TUBGCP5: variants seen among roughly 807,000 people sequenced by gnomAD.
TUBGCP5 encodes the protein tubulin gamma complex component 5.
Under a neutral mutation model 134.7 loss-of-function variants are expected in TUBGCP5, and 98 were observed. The ratio of observed to expected loss-of-function variants is 0.73; its 90% confidence interval spans 0.62 to 0.86. The LOEUF is 0.86. Among genes scored for constraint, TUBGCP5 ranks in the 40% least tolerant of loss-of-function variants. TUBGCP5 has a pLI of 0.00. For synonymous variants in TUBGCP5, 456 were observed against 431.4 expected (o/e 1.06, Z -0.71); for missense variants, 1,150 against 1,244.8 (o/e 0.92, Z 1.15).
At chr15:22,988,608 T>C (rs139200333) in intron 23 of TUBGCP5, among the ~76,000 whole-genome samples, 6,813 of 150,896 alleles carry the variant, frequency 0.045, 393 homozygotes, top group South Asian at 0.13. Flanking sequence ...TGGTGGTGGG[T>C]GCCTGTAGTC....
rs2064233852 is a variant in TUBGCP5, at chr15:22,999,219, A to G, written c.*601T>C. The G allele has an allele frequency of 6.6e-6, 1 of 152,220 alleles. No homozygotes were observed. The highest frequency in any genetic ancestry group is 2.4e-5 in the African/African-American group (1 of 41,436). 9.4% of individuals were successfully genotyped at this position (152,220 alleles called of 1,614,324 possible). A position where few individuals can be genotyped will look rare whatever the true frequency, so the allele number is the denominator to read the frequency against. On this transcript the variant is annotated 3_prime_UTR_variant, in exon 23 of 23. Transcript: ENST00000615383. ...ATTTATTTTGAATATCAGTAATTAC[A>G]TTTTCAAAATATGATATAATTTAAA... is the stretch of plus-strand genomic sequence containing the variant.
In TUBGCP5 at chr15:23,027,269, C is replaced by T; in HGVS notation, c.660G>A (p.Val220=). 1 of 1,613,850 alleles carries T rather than the reference C, an allele frequency of 6.2e-7. No individual in the cohort carries two copies. ...GCCTGGCTGTCCAGTACTGATGGAC[C>T]ACATGATGTTCCAGCCAGCTTCGGT... ...PDDRSWLEHH[V]VHQYWTARPS... The change falls in exon 7 of 23, where the codon GTG becomes GTA. Residue 220 remains valine (V), a synonymous_variant. Transcript: ENST00000615383.
chr15:22,985,343 C>T (rs149998590), intron 23 of TUBGCP5, among the ~76,000 whole-genome samples: 1 of 151,796 alleles, frequency 6.6e-6, no homozygotes, highest in Non-Finnish European at 1.5e-5. Context: ...CTCAGCCTTC[C>T]GAGTAGCTGG....
At chr15:22,997,524 G>A (rs1023254340), downstream of TUBGCP5, among the ~76,000 whole-genome samples, 1 of 151,946 alleles carries the variant, frequency 6.6e-6, no homozygotes, top group Non-Finnish European at 1.5e-5. Flanking sequence ...CCCCAAGTTT[G>A]TAGTGTTAAT....
chr15:23,035,498 T>C (rs983022064), intron 3 of TUBGCP5, among the ~76,000 whole-genome samples: 2 of 151,948 alleles, frequency 1.3e-5, no homozygotes, highest in African/African-American at 4.8e-5. Context: ...AGGCATTAGA[T>C]TGTCATAAGG....
intron 23 of TUBGCP5, among the ~76,000 whole-genome samples, chr15:22,987,753 G>A (rs916035332): frequency 6.6e-5 from 10 of 151,656 alleles, no homozygotes; most frequent in Admixed American, 3.3e-4. Flanking sequence ...AAAATTAGCC[G>A]GGCGTGGTGG....
intron 7 of TUBGCP5, among the ~76,000 whole-genome samples, chr15:23,026,740 C>A (rs1040756485): frequency 2.0e-5 from 3 of 152,048 alleles, no homozygotes; most frequent in Non-Finnish European, 4.4e-5. Context: ...CAAGACCAGC[C>A]TGGCCAACAT....
At chr15:23,012,115 CA>C (rs1210798007) in intron 13 of TUBGCP5, among the ~76,000 whole-genome samples, 862 of 80,812 alleles carry the variant, frequency 0.011, 9 homozygotes, top group Middle Eastern at 0.032. Context: ...AAACCTGACT[CA>C]AAAAAAAAAA....
At chr15:23,024,243 T>C (rs747834901) in intron 9 of TUBGCP5, 50 bp from the exon 10 acceptor site, 26 of 1,582,864 alleles carry the variant, frequency 1.6e-5, no homozygotes, top group Admixed American at 7.2e-5. Context: ...TCTGTAAACA[T>C]TCAAATTCAT....
At chr15:23,032,372 A>G (rs1408030439) in intron 4 of TUBGCP5, among the ~76,000 whole-genome samples, 1 of 152,192 alleles carries the variant, frequency 6.6e-6, no homozygotes, top group African/African-American at 2.4e-5. Flanking sequence ...TAACCTAAAT[A>G]CATCCTGCTG....
At position 23,004,254 on chromosome 15, in the gene TUBGCP5, A is replaced by C. The variant is rs375898603; in HGVS notation, c.2713-27T>G. 3.2e-5 allele frequency: 51 copies of C among 1,601,922 alleles called. No homozygotes were observed. The African/African-American group carries it at 5.9e-4, about 19-fold the overall frequency. Reference sequence around the variant, plus strand: ...TTGGAAGAGAAAGATAAAAAGCTTCATCAGCAGCCTTCTTTGAGGACTTGT... The same window carrying C: ...TTGGAAGAGAAAGATAAAAAGCTTCCTCAGCAGCCTTCTTTGAGGACTTGT... On this transcript the variant is annotated intron_variant, in intron 19 of 22. Transcript: ENST00000615383.
At chr15:22,983,871 C>G (rs561041776) in intron 23 of TUBGCP5, among the ~76,000 whole-genome samples, 6 of 152,108 alleles carry the variant, frequency 3.9e-5, no homozygotes, top group Non-Finnish European at 5.9e-5. Context: ...GCCTGTAATC[C>G]CAGCACTTTG....
chr15:23,002,821 G>C (rs1272555629), intron 21 of TUBGCP5, among the ~76,000 whole-genome samples: 1 of 151,562 alleles, frequency 6.6e-6, no homozygotes, highest in Non-Finnish European at 1.5e-5. Context: ...AAAAATGTTT[G>C]CTTGTTTAAA....
intron 5 of TUBGCP5, among the ~76,000 whole-genome samples, chr15:23,031,221 A>G (rs1187043858): frequency 1.3e-5 from 2 of 152,092 alleles, no homozygotes; most frequent in African/African-American, 4.8e-5. Flanking sequence ...CTTTTTTTCT[A>G]TAATGTTGAA....
At chr15:23,001,471 G>GT (rs1262675229) in intron 21 of TUBGCP5, among the ~76,000 whole-genome samples, 1 of 151,164 alleles carries the variant, frequency 6.6e-6, no homozygotes, top group East Asian at 1.9e-4. Context: ...AGCCTCCCAA[G>GT]TAGCTGGGAT....
chr15:23,029,048 G>A (rs1186300650), intron 6 of TUBGCP5, among the ~76,000 whole-genome samples: 1 of 151,962 alleles, frequency 6.6e-6, no homozygotes, highest in East Asian at 1.9e-4. Context: ...TATAACATAT[G>A]TAGAAATTAA....
At chr15:22,992,502 A>G (rs1645556244) in intron 23 of TUBGCP5, among the ~76,000 whole-genome samples, 1 of 152,106 alleles carries the variant, frequency 6.6e-6, no homozygotes, top group African/African-American at 2.4e-5. Flanking sequence ...ATGTATGTAT[A>G]TGTGTGTCAC....
At chr15:22,983,750 G>A (rs1252274447) in intron 23 of TUBGCP5, 1 of 152,170 alleles carries the variant, frequency 6.6e-6, no homozygotes, top group Non-Finnish European at 1.5e-5. Context: ...TGTACTAGTA[G>A]TCCCCCTCCT....
At chr15:23,006,688 G>A (rs112884716) in intron 16 of TUBGCP5, among the ~76,000 whole-genome samples, 3,533 of 152,190 alleles carry the variant, frequency 0.023, 59 homozygotes, top group Non-Finnish European at 0.035. Context: ...GTTGGGGGTG[G>A]GCAGGAGAGG....
Sources: gnomAD v4.1 joint callset for allele counts (sites outside exome capture counted in the v4.1 genomes callset) on GRCh38, gnomAD v4.1.1 for gene constraint, MANE v1.5 for transcripts, NCBI Gene and HGNC (gene_info 2026-07-23, HGNC 2026-07-21) for gene names.